Variants in ABR observed in about 807,000 individuals in gnomAD.
The protein encoded by ABR is active breakpoint cluster region-related protein.
ABR carries 35 observed loss-of-function variants against 107.2 expected under a neutral mutation model. The observed-to-expected ratio is 0.33, with a 90% confidence interval of 0.25 to 0.43. ABR has a LOEUF of 0.43. ABR is among the 20% of genes least tolerant of loss of function. The pLI, the probability that ABR is intolerant of heterozygous loss-of-function variation, is 1.00. For missense variants in ABR, 815 were observed against 1,115.2 expected (o/e 0.73, Z 3.83); for synonymous variants, 498 against 462.0 (o/e 1.08, Z -1.00).
chr17:1,123,281 T>C (rs1433400535), intron 2 of ABR, among the ~76,000 whole-genome samples: 6 of 152,150 alleles, frequency 3.9e-5, no homozygotes, highest in Admixed American at 3.9e-4. Flanking sequence ...TTCTAGTCGA[T>C]GGTGTAAACA....
Position 1,175,360 on chromosome 17 carries a change from C to T in ABR, c.61+4307G>A, listed in dbSNP as rs939463446. Among the ~76,000 whole-genome samples, 8 of 152,050 alleles carry T rather than the reference C, an allele frequency of 5.3e-5. No homozygotes were observed. In the South Asian group the frequency reaches 6.2e-4, roughly 12 times the overall value. On this transcript the variant is annotated intron_variant, in intron 1 of 22. Transcript: ENST00000302538. Reference sequence around the variant, plus strand: ...CGGGGAGGCGGAGGTTGCAGTGAGCCGAGATCGCACCGCCGCACTCCAGCC... The same window carrying T: ...CGGGGAGGCGGAGGTTGCAGTGAGCTGAGATCGCACCGCCGCACTCCAGCC...
At chr17:1,106,676 C>T (rs1005114992) in intron 2 of ABR, among the ~76,000 whole-genome samples, 6 of 151,958 alleles carry the variant, frequency 3.9e-5, no homozygotes, top group South Asian at 4.1e-4. Flanking sequence ...ATTACAGACG[C>T]CCACCACTAC....
chr17:1,012,878 C>G, intron 17 of ABR, 81 bp from the exon 18 acceptor site: 1 of 1,242,850 alleles, frequency 8.0e-7, no homozygotes, highest in South Asian at 1.3e-5. Flanking sequence ...GGGTCCCCTC[C>G]CCAAGACTGC....
chr17:1,209,837 A>C (rs992643634), intron 1 of ABR, among the ~76,000 whole-genome samples: 15 of 152,166 alleles, frequency 9.9e-5, no homozygotes, highest in Non-Finnish European at 1.9e-4. Flanking sequence ...AATCACTCTA[A>C]ATTTTCTGCA....
At chr17:1,161,395 C>G (rs918382130) in intron 1 of ABR, among the ~76,000 whole-genome samples, 1 of 137,228 alleles carries the variant, frequency 7.3e-6, no homozygotes, top group Non-Finnish European at 1.6e-5. Context: ...GGGCATTCCA[C>G]CACACCTGGC....
intron 1 of ABR, among the ~76,000 whole-genome samples, chr17:1,128,525 A>G (rs1046850197): frequency 2.6e-5 from 4 of 152,304 alleles, no homozygotes; most frequent in Middle Eastern, 6.8e-3. Context: ...AGACAACAAG[A>G]TGTTACAGGG....
At chr17:1,102,434 C>T (rs553493076) in intron 2 of ABR, among the ~76,000 whole-genome samples, 1 of 152,298 alleles carries the variant, frequency 6.6e-6, no homozygotes, top group South Asian at 2.1e-4. Context: ...ATAAAATGAA[C>T]TCACTCCCCT....
chr17:1,029,909 T>A (rs7215151), intron 16 of ABR, among the ~76,000 whole-genome samples: 38,071 of 70,780 alleles, frequency 0.54, 7,730 homozygotes, highest in East Asian at 0.71. Context: ...GTGGCAGACG[T>A]CCCTCCGTCC....
chr17:1,209,308 ACT>A, intron 1 of ABR, among the ~76,000 whole-genome samples: 1 of 148,706 alleles, frequency 6.7e-6, no homozygotes, highest in South Asian at 2.1e-4. Flanking sequence ...AGACCGTCTT[ACT>A]CTGTCCTTCA....
At chr17:1,188,203 G>A (rs374497273), upstream of ABR, among the ~76,000 whole-genome samples, 33 of 152,040 alleles carry the variant, frequency 2.2e-4, no homozygotes, top group African/African-American at 7.0e-4. Context: ...GCGAGACCCT[G>A]TCTCAAAAAA....
At position 1,061,543 on chromosome 17, in the gene ABR, A is replaced by G. The variant is rs887602001; in HGVS notation, c.1183-2676T>C. Among the ~76,000 whole-genome samples, 4 of 106,078 alleles carry G rather than the reference A, an allele frequency of 3.8e-5. No homozygotes were observed. In the Admixed American group the frequency reaches 3.9e-4, roughly 10 times the overall value. The allele number at this position is 106,078 out of a possible 152,430, so 69.6% of individuals were successfully genotyped here. A position where few individuals can be genotyped will look rare whatever the true frequency, so the allele number is the denominator to read the frequency against. On this transcript the variant is annotated intron_variant, in intron 10 of 22. Transcript: ENST00000302538. ...TTTCTTCAATAATTGTTTGTTTACT[A>G]AGTGCCTTTTTTTTTTTGAGATGGA... is the stretch of plus-strand genomic sequence containing the variant.
At chr17:1,123,159 G>C (rs976215449) in intron 2 of ABR, among the ~76,000 whole-genome samples, 1 of 151,228 alleles carries the variant, frequency 6.6e-6, no homozygotes, top group South Asian at 2.1e-4. Context: ...CGGTGACCCA[G>C]CAGAAAGGGC....
intron 1 of ABR, among the ~76,000 whole-genome samples, chr17:1,173,464 C>T (rs1312254635): frequency 2.6e-5 from 4 of 151,486 alleles, no homozygotes. Context: ...CCTAGGTTTG[C>T]GCCCAAAGGG....
At chr17:1,017,893 G>A (rs1342169214) in intron 16 of ABR, among the ~76,000 whole-genome samples, 5 of 150,522 alleles carry the variant, frequency 3.3e-5, no homozygotes, top group South Asian at 2.1e-4. Context: ...GTGAGCCACC[G>A]CACTCGGCCT....
At chr17:1,128,992 T>C (rs1324831530) in intron 1 of ABR, among the ~76,000 whole-genome samples, 1 of 152,204 alleles carries the variant, frequency 6.6e-6, no homozygotes, top group Non-Finnish European at 1.5e-5. Flanking sequence ...GTTACTTGGT[T>C]TTTCTATTAT....
At chr17:1,138,632 C>T (rs576616931) in intron 1 of ABR, among the ~76,000 whole-genome samples, 1 of 152,212 alleles carries the variant, frequency 6.6e-6, no homozygotes, top group Admixed American at 6.5e-5. Flanking sequence ...CATGCACAAC[C>T]ATGCCTGGCT....
rs148886260 is a variant in ABR, at chr17:1,205,977, G to A, written c.838+22816C>T. ...AAAAAAATACAAAAATTAGCTGGGCGTGGTGGCGCGCACCTGTAGTCCCAG... is the reference window on the plus strand; with the variant it reads ...AAAAAAATACAAAAATTAGCTGGGCATGGTGGCGCGCACCTGTAGTCCCAG... On this transcript the variant is annotated intron_variant, in intron 1 of 22. Transcript: ENST00000574139. Among the ~76,000 whole-genome samples the A allele has an allele frequency of 4.6e-5, 7 of 151,748 alleles. No homozygotes were observed. The East Asian group carries it at 9.7e-4, about 21-fold the overall frequency.
chr17:1,057,995 T>G lies in ABR; in HGVS notation c.1356A>C (p.Glu452Asp). 6.2e-7 allele frequency: 1 copy of G among 1,613,992 alleles called. No homozygotes were observed. The highest frequency in any genetic ancestry group is 2.2e-5 in the East Asian group (1 of 44,880). Residue 452 changes from glutamate (E) to aspartate (D), a missense_variant, in exon 12 of 23, where the codon GAA becomes GAC. By Grantham distance (45) the Glu-to-Asp change is conservative. Around this residue, in one of 5 missense-constraint regions of ABR, gnomAD observed 385 missense variants for 596.9 expected, o/e 0.64. Transcript: ENST00000302538. ...CCTTCTTCTGTAGTTTCTGAATTGC[T>G]TCTCTCCACTCTGACCTCTCGTAGT... is the stretch of plus-strand genomic sequence containing the variant. ...SSDYERSEWR[E>D]AIQKLQKKDL...
At chr17:1,216,623 A>G (rs2043015505) in intron 1 of ABR, among the ~76,000 whole-genome samples, 1 of 152,122 alleles carries the variant, frequency 6.6e-6, no homozygotes, top group African/African-American at 2.4e-5. Context: ...TTTTGTTTTA[A>G]CCCTCTGTAG....
Sources: gnomAD v4.1 joint callset for allele counts (sites outside exome capture counted in the v4.1 genomes callset) on GRCh38, gnomAD v4.1.1 for gene constraint, gnomAD v4.1.1 regional missense constraint, MANE v1.5 for transcripts, NCBI Gene and HGNC (gene_info 2026-07-23, HGNC 2026-07-21) for gene names.